GPR158: variants seen among roughly 807,000 people sequenced by gnomAD.
GPR158 encodes the protein metabotropic glycine receptor.
In GPR158, 30 loss-of-function variants were observed where a neutral mutation model predicts 78.2. The ratio of observed to expected loss-of-function variants is 0.38; its 90% CI spans 0.29 to 0.52. The LOEUF is 0.52. Ranked by LOEUF, GPR158 falls within the 20% of genes least tolerant of loss-of-function variation. The probability of loss-of-function intolerance (pLI) is 0.83; values close to 1 mark genes in which losing one functional copy is unlikely to be tolerated. For synonymous variants in GPR158, 581 were observed against 591.1 expected (o/e 0.98, Z 0.25); for missense variants, 1,463 against 1,523.5 (o/e 0.96, Z 0.66).
At chr10:25,295,097 C>G (rs368108301) in intron 2 of GPR158, among the ~76,000 whole-genome samples, 1 of 152,196 alleles carries the variant, frequency 6.6e-6, no homozygotes, top group African/African-American at 2.4e-5. Flanking sequence ...GCCCCATATG[C>G]GGACCTCCCT....
intron 2 of GPR158, among the ~76,000 whole-genome samples, chr10:25,383,591 G>A (rs537136350): frequency 6.6e-6 from 1 of 152,258 alleles, no homozygotes; most frequent in Admixed American, 6.5e-5. Context: ...CATCGGGAAG[G>A]GAGAGATTCA....
chr10:25,284,225 C>A (rs1854315927), intron 2 of GPR158, among the ~76,000 whole-genome samples: 1 of 152,044 alleles, frequency 6.6e-6, no homozygotes, highest in African/African-American at 2.4e-5. Flanking sequence ...AAGTCTCCAG[C>A]TACAAGTGTG....
intron 7 of GPR158, among the ~76,000 whole-genome samples, chr10:25,575,813 G>T (rs1337498736): frequency 6.6e-6 from 1 of 151,360 alleles, no homozygotes; most frequent in Non-Finnish European, 1.5e-5. Flanking sequence ...ATAAACAGGA[G>T]CCATAACGTA....
intron 5 of GPR158, among the ~76,000 whole-genome samples, chr10:25,489,596 T>G (rs1044186297): frequency 6.6e-6 from 1 of 152,132 alleles, no homozygotes; most frequent in African/African-American, 2.4e-5. Context: ...TCCTCAACTC[T>G]CTACCCCTAG....
chr10:25,306,459 C>T lies in GPR158; in HGVS notation c.1008+85302C>T, dbSNP rs1295723381. ...GACCTCTCATCATGGTACACAGAGTCGATTGGAGAATACAAGTGTTAATAG... is the reference window on the plus strand; with the variant it reads ...GACCTCTCATCATGGTACACAGAGTTGATTGGAGAATACAAGTGTTAATAG... On this transcript the variant is annotated intron_variant, in intron 2 of 10. Coordinates refer to ENST00000376351, the MANE Select transcript of GPR158 (RefSeq NM_020752.3). Among the ~76,000 whole-genome samples the T allele has an allele frequency of 3.3e-5, 5 of 152,046 alleles. No individual in the cohort carries two copies. In the East Asian group the frequency reaches 5.8e-4, roughly 18 times the overall value.
chr10:25,307,143 T>C (rs991585445), intron 2 of GPR158, among the ~76,000 whole-genome samples: 3 of 152,128 alleles, frequency 2.0e-5, no homozygotes, highest in Non-Finnish European at 4.4e-5. Flanking sequence ...AAGTTTAAGA[T>C]AATGAAAGTT....
At chr10:25,242,444 C>A (rs988312735) in intron 2 of GPR158, among the ~76,000 whole-genome samples, 5 of 152,128 alleles carry the variant, frequency 3.3e-5, no homozygotes, top group Non-Finnish European at 7.3e-5. Flanking sequence ...TTAGAGAAAA[C>A]TAGATTGAAA....
chr10:25,292,419 T>C (rs570690809), intron 2 of GPR158, among the ~76,000 whole-genome samples: 20 of 152,200 alleles, frequency 1.3e-4, no homozygotes, highest in Non-Finnish European at 2.6e-4. Flanking sequence ...AATGGATACT[T>C]TTTTTTCTTT....
chr10:25,270,437 G>A (rs1167885094), intron 2 of GPR158, among the ~76,000 whole-genome samples: 2 of 152,118 alleles, frequency 1.3e-5, no homozygotes, highest in African/African-American at 2.4e-5. Flanking sequence ...TGGAAGGCAT[G>A]CTTGAAGTAT....
At chr10:25,591,379 A>G (rs930903947) in intron 8 of GPR158, among the ~76,000 whole-genome samples, 4 of 152,180 alleles carry the variant, frequency 2.6e-5, no homozygotes, top group Middle Eastern at 3.2e-3. Flanking sequence ...CGGGAAGTAC[A>G]TGTTAAATAC....
At chr10:25,198,881 T>A (rs888891598) in intron 1 of GPR158, among the ~76,000 whole-genome samples, 1 of 151,944 alleles carries the variant, frequency 6.6e-6, no homozygotes, top group Non-Finnish European at 1.5e-5. Context: ...TTAGATAGGT[T>A]CTATTGAGGG....
intron 4 of GPR158, among the ~76,000 whole-genome samples, chr10:25,442,835 C>T (rs11014560): frequency 0.19 from 29,516 of 152,034 alleles, 3,622 homozygotes; most frequent in African/African-American, 0.36. Flanking sequence ...ATTTCTTCCA[C>T]TGATTGTTAT....
intron 5 of GPR158, among the ~76,000 whole-genome samples, chr10:25,483,266 T>C (rs981611496): frequency 6.6e-6 from 1 of 152,092 alleles, no homozygotes; most frequent in African/African-American, 2.4e-5. Flanking sequence ...TGTAACACTA[T>C]CTCTTCACCC....
intron 2 of GPR158, among the ~76,000 whole-genome samples, chr10:25,348,967 A>G (rs1471962773): frequency 6.6e-6 from 1 of 152,022 alleles, no homozygotes; most frequent in African/African-American, 2.4e-5. Context: ...TTCATAACCA[A>G]TTCTGATGGT....
At chr10:25,379,813 C>T (rs991969070) in intron 2 of GPR158, among the ~76,000 whole-genome samples, 6 of 151,920 alleles carry the variant, frequency 3.9e-5, no homozygotes, top group Admixed American at 2.0e-4. Context: ...TCTGCATTCT[C>T]AGTCTTCCCC....
intron 2 of GPR158, among the ~76,000 whole-genome samples, chr10:25,283,331 T>A (rs1854302191): frequency 6.6e-6 from 1 of 152,084 alleles, no homozygotes; most frequent in East Asian, 1.9e-4. Flanking sequence ...GTAGGGTTTT[T>A]AGTAATTTTC....
At chr10:25,570,177 A>G (rs1337599222) in intron 6 of GPR158, among the ~76,000 whole-genome samples, 1 of 152,192 alleles carries the variant, frequency 6.6e-6, no homozygotes, top group Non-Finnish European at 1.5e-5. Flanking sequence ...TTTTCCAAGA[A>G]ATTTCTCTTA....
intron 2 of GPR158, among the ~76,000 whole-genome samples, chr10:25,278,944 AT>A (rs1159346266): frequency 2.0e-5 from 3 of 151,992 alleles, no homozygotes; most frequent in African/African-American, 7.2e-5. Context: ...TGTTCTGATA[AT>A]TTTTTCAAAA....
intron 5 of GPR158, among the ~76,000 whole-genome samples, chr10:25,536,821 CTG>C (rs1836507203): frequency 6.6e-6 from 1 of 152,222 alleles, no homozygotes; most frequent in Non-Finnish European, 1.5e-5. Flanking sequence ...GCTACTCTAA[CTG>C]TGGTCCTAGG....
Sources: gnomAD v4.1 joint callset for allele counts (sites outside exome capture counted in the v4.1 genomes callset) on GRCh38, gnomAD v4.1.1 for gene constraint, MANE v1.5 for transcripts, NCBI Gene and HGNC (gene_info 2026-07-23, HGNC 2026-07-21) for gene names.